Variants in XIRP2 observed in about 807,000 individuals in gnomAD.
The protein encoded by XIRP2 is xin actin binding repeat containing 2.
Under a neutral mutation model 277.0 loss-of-function variants are expected in XIRP2, and 236 were observed. That is an observed-to-expected ratio of 0.85 (90% CI 0.77 to 0.95). The LOEUF is 0.95. XIRP2 is among the 40% of genes least tolerant of loss of function. The pLI, the probability that XIRP2 is intolerant of heterozygous loss-of-function variation, is 0.00. For synonymous variants in XIRP2, 1,490 were observed against 1,416.5 expected (o/e 1.05, Z -1.17); for missense variants, 4,640 against 4,157.5 (o/e 1.12, Z -3.19).
intron 3 of XIRP2, among the ~76,000 whole-genome samples, chr2:167,200,448 G>A (rs1371992646): frequency 1.3e-5 from 2 of 152,230 alleles, no homozygotes; most frequent in Non-Finnish European, 2.9e-5. Context: ...AGGGGGCGGG[G>A]TGGAAAGAGC....
intron 1 of XIRP2, among the ~76,000 whole-genome samples, chr2:166,895,037 A>T (rs1574057504): frequency 6.6e-6 from 1 of 152,100 alleles, no homozygotes; most frequent in Non-Finnish European, 1.5e-5. Context: ...CTGTGGCAGG[A>T]GAGAAAATAA....
intron 2 of XIRP2, among the ~76,000 whole-genome samples, chr2:167,005,487 A>G (rs1264161474): frequency 6.6e-6 from 1 of 151,866 alleles, no homozygotes; most frequent in Non-Finnish European, 1.5e-5. Context: ...GGTGCTGAAA[A>G]TGTTGAGAAT....
At chr2:167,121,519 C>T (rs1029531231) in intron 2 of XIRP2, among the ~76,000 whole-genome samples, 37 of 152,154 alleles carry the variant, frequency 2.4e-4, no homozygotes, top group African/African-American at 8.9e-4. Flanking sequence ...AAGGTTTAGC[C>T]ATTAGAGATT....
intron 2 of XIRP2, among the ~76,000 whole-genome samples, chr2:167,108,365 C>T (rs1431780017): frequency 6.6e-6 from 1 of 151,886 alleles, no homozygotes; most frequent in Non-Finnish European, 1.5e-5. Context: ...TACAGTCCTT[C>T]CATTTGTGCT....
chr2:166,957,894 G>T (rs1686203821), intron 2 of XIRP2, among the ~76,000 whole-genome samples: 1 of 151,742 alleles, frequency 6.6e-6, no homozygotes, highest in South Asian at 2.1e-4. Flanking sequence ...GTATACAGTC[G>T]ATTTCCTTTT....
intron 7 of XIRP2, 52 bp from the exon 8 acceptor site, chr2:167,241,725 A>G (rs1695072997): frequency 6.4e-7 from 1 of 1,551,858 alleles, no homozygotes; most frequent in Non-Finnish European, 8.7e-7. Flanking sequence ...TTCTTCTTAA[A>G]CATAATTTTT....
intron 5 of XIRP2, among the ~76,000 whole-genome samples, chr2:167,235,289 T>G (rs1446195346): frequency 6.6e-6 from 1 of 151,836 alleles, no homozygotes. Context: ...TCTTTCTGAG[T>G]GCACTTTGTA....
At chr2:166,936,091 A>G (rs532518001) in intron 2 of XIRP2, among the ~76,000 whole-genome samples, 1 of 152,256 alleles carries the variant, frequency 6.6e-6, no homozygotes, top group African/African-American at 2.4e-5. Context: ...CTGACTTTTT[A>G]ATGATTGCCA....
intron 3 of XIRP2, among the ~76,000 whole-genome samples, chr2:167,188,717 A>G (rs1390864316): frequency 2.6e-5 from 4 of 152,216 alleles, no homozygotes; most frequent in African/African-American, 7.2e-5. Context: ...TAAACTAACA[A>G]CTAGGTCCAT....
intron 2 of XIRP2, among the ~76,000 whole-genome samples, chr2:166,919,781 A>G (rs1204535039): frequency 6.6e-6 from 1 of 152,184 alleles, no homozygotes; most frequent in African/African-American, 2.4e-5. Flanking sequence ...GGAGCTCCAC[A>G]GAGAAATTTT....
At position 167,138,790 on chromosome 2, in the gene XIRP2, G is replaced by A. The variant is rs1185513027; in HGVS notation, c.562+2728G>A. On this transcript the variant is annotated intron_variant, in intron 3 of 10. Coordinates refer to ENST00000409195, the MANE Select transcript of XIRP2 (RefSeq NM_152381.6). ...ATAAAAATCTGATTCGTTGGGCTGGGCACAGTGACTCATGCCTGTAATCCC... is the reference window on the plus strand; with the variant it reads ...ATAAAAATCTGATTCGTTGGGCTGGACACAGTGACTCATGCCTGTAATCCC... Among the ~76,000 whole-genome samples, 3 of 152,280 alleles carry A rather than the reference G, an allele frequency of 2.0e-5. No homozygotes were observed. The East Asian group carries it at 5.8e-4, about 29-fold the overall frequency.
At position 167,246,177 on chromosome 2, in the gene XIRP2, A is replaced by C; in HGVS notation, c.4785A>C (p.Ile1595=). The C allele has an allele frequency of 6.2e-7, 1 of 1,612,364 alleles. No individual in the cohort carries two copies. The highest frequency in any genetic ancestry group is 8.5e-7 in the Non-Finnish European group (1 of 1,179,492). The change falls in exon 9 of 11, where the codon ATA becomes ATC. Residue 1595 remains isoleucine (I), a synonymous_variant. Coordinates refer to ENST00000409195, the MANE Select transcript of XIRP2 (RefSeq NM_152381.6). ...TAATGAACCAAGCATCTCCTGAGAT[A>C]CAGAAAGAAGAAATTATCAGGGCTG... ...YKLMNQASPE[I]QKEEIIRADL... is the part of the protein sequence containing the mutation.
At chr2:167,231,316 A>T (rs539325117) in intron 5 of XIRP2, among the ~76,000 whole-genome samples, 24 of 152,076 alleles carry the variant, frequency 1.6e-4, no homozygotes, top group African/African-American at 5.5e-4. Context: ...TCTTTATGAT[A>T]CCCTTAACAG....
At chr2:167,006,695 T>C (rs1687512751) in intron 2 of XIRP2, among the ~76,000 whole-genome samples, 1 of 151,710 alleles carries the variant, frequency 6.6e-6, no homozygotes, top group Admixed American at 6.6e-5. Flanking sequence ...AACAGGCACA[T>C]AGTTTTCCTG....
intron 2 of XIRP2, among the ~76,000 whole-genome samples, chr2:166,925,593 A>G (rs1177483488): frequency 1.7e-4 from 9 of 52,960 alleles, no homozygotes; most frequent in South Asian, 1.5e-3. Flanking sequence ...GTATGTGTAT[A>G]TACATATATA....
At chr2:167,067,747 C>T (rs1689336139) in intron 2 of XIRP2, among the ~76,000 whole-genome samples, 2 of 152,190 alleles carry the variant, frequency 1.3e-5, no homozygotes, top group African/African-American at 4.8e-5. Context: ...GTGAAAAATG[C>T]ACTATCTGTG....
At chr2:167,005,602 T>A (rs903056961) in intron 2 of XIRP2, among the ~76,000 whole-genome samples, 4 of 151,836 alleles carry the variant, frequency 2.6e-5, no homozygotes, top group African/African-American at 7.2e-5. Context: ...TTAGAATGAA[T>A]TACCTCATAA....
At chr2:167,240,845 A>G in intron 7 of XIRP2, 109 bp downstream of exon 7, 1 of 923,746 alleles carries the variant, frequency 1.1e-6, no homozygotes, top group Non-Finnish European at 1.7e-6. Context: ...AACTTTAGTA[A>G]CTATGACTCA....
At chr2:167,033,142 G>T (rs563326365) in intron 2 of XIRP2, among the ~76,000 whole-genome samples, 200 of 152,236 alleles carry the variant, frequency 1.3e-3, no homozygotes, top group African/African-American at 4.5e-3. Context: ...TTCTTGCAGG[G>T]ACATGGATGA....
Sources: allele counts gnomAD v4.1 joint callset (sites outside exome capture counted in the v4.1 genomes callset), GRCh38; gene constraint gnomAD v4.1.1; transcripts MANE v1.5; gene names NCBI Gene and HGNC (gene_info 2026-07-23, HGNC 2026-07-21).